Variants in TRIM36 observed in about 807,000 individuals in gnomAD.
The protein encoded by TRIM36 is tripartite motif containing 36.
TRIM36 carries 42 observed loss-of-function variants against 72.4 expected under a neutral mutation model. The ratio of observed to expected loss-of-function variants is 0.58; its 90% confidence interval spans 0.45 to 0.75. The LOEUF is 0.75. TRIM36 is among the 30% of genes least tolerant of loss of function. TRIM36 has a pLI of 0.00. For missense variants in TRIM36, 913 were observed against 857.1 expected (o/e 1.07, Z -0.81); for synonymous variants, 315 against 282.8 (o/e 1.11, Z -1.14).
intron 2 of TRIM36, among the ~76,000 whole-genome samples, chr5:115,152,448 TG>T (rs1240641387): frequency 2.6e-5 from 4 of 152,184 alleles, no homozygotes; most frequent in Non-Finnish European, 5.9e-5. Flanking sequence ...AAAACATATT[TG>T]GGGGAATAAT....
At chr5:115,158,298 A>G (rs944673735) in intron 2 of TRIM36, among the ~76,000 whole-genome samples, 1 of 152,190 alleles carries the variant, frequency 6.6e-6, no homozygotes, top group African/African-American at 2.4e-5. Context: ...TTTCCTTTGA[A>G]GGTAGATTAA....
chr5:115,150,489 A>C (rs1753831100), intron 2 of TRIM36, among the ~76,000 whole-genome samples: 2 of 152,208 alleles, frequency 1.3e-5, no homozygotes, highest in Admixed American at 6.5e-5. Context: ...CAATTGCATT[A>C]GACAATGAAA....
chr5:115,134,614 C>T (rs1752867542), intron 7 of TRIM36, among the ~76,000 whole-genome samples: 2 of 151,960 alleles, frequency 1.3e-5, no homozygotes, highest in Non-Finnish European at 1.5e-5. Context: ...GATCTCAGCT[C>T]ACTCCAACCT....
At chr5:115,140,307 A>G (rs999344571) in intron 5 of TRIM36, among the ~76,000 whole-genome samples, 3 of 152,240 alleles carry the variant, frequency 2.0e-5, no homozygotes, top group Non-Finnish European at 2.9e-5. Flanking sequence ...AATGGAGAAG[A>G]AAAACAAGTG....
chr5:115,169,998 A>G (rs2126947877), upstream of TRIM36: 1 of 1,101,254 alleles, frequency 9.1e-7, no homozygotes, highest in Non-Finnish European at 1.1e-6. Context: ...CAACAGCGCC[A>G]GTCGCACAAA....
intron 2 of TRIM36, among the ~76,000 whole-genome samples, chr5:115,154,905 C>T (rs554461757): frequency 5.9e-5 from 9 of 152,052 alleles, no homozygotes; most frequent in African/African-American, 7.2e-5. Flanking sequence ...CCAGGCTGGG[C>T]GTGGTGGCTC....
chr5:115,126,762 A>G lies in TRIM36; in HGVS notation c.1892T>C (p.Phe631Ser), dbSNP rs375330229. Residue 631 changes from phenylalanine to serine, a missense_variant, in exon 10 of 10, where the codon TTT becomes TCT. By Grantham distance (155) the Phe-to-Ser change is radical (BLOSUM62 -2). Coordinates refer to ENST00000513154, the MANE Select transcript of TRIM36 (RefSeq NM_001300759.2). ...AGAAGTAGGTGACTTGGGTATAAAA[A>G]ATTTCTGCATGCCTATAGTAACTAA... ...FTLVTIGMQK[F>S]FIPKSPTSSN... 2 of 1,614,010 alleles carry G rather than the reference A, an allele frequency of 1.2e-6. No homozygotes were observed. Among genetic ancestry groups the G allele is most frequent in the African/African-American group, 1.3e-5 (1 of 74,926 alleles).
upstream of TRIM36, chr5:115,170,035 G>A (rs1755024000): frequency 2.0e-6 from 2 of 990,488 alleles, no homozygotes; most frequent in South Asian, 4.5e-5. Flanking sequence ...GGGGCTGGTA[G>A]GCCGGGTGTC....
chr5:115,167,977 G>A (rs1179809499), intron 1 of TRIM36, among the ~76,000 whole-genome samples: 1 of 152,170 alleles, frequency 6.6e-6, no homozygotes, highest in African/African-American at 2.4e-5. Context: ...CGTTTTACAT[G>A]GCAGCAGGCG....
At chr5:115,163,149 G>A (rs1754574658) in intron 2 of TRIM36, among the ~76,000 whole-genome samples, 1 of 152,136 alleles carries the variant, frequency 6.6e-6, no homozygotes, top group East Asian at 1.9e-4. Flanking sequence ...TAGAGATGGA[G>A]TTTCTCCATG....
At chr5:115,173,306 C>T (rs1391158354), upstream of TRIM36, among the ~76,000 whole-genome samples, 1 of 152,204 alleles carries the variant, frequency 6.6e-6, no homozygotes, top group Non-Finnish European at 1.5e-5. Context: ...CTCATCCTCA[C>T]AGCTGATTCC....
chr5:115,137,209 C>A, intron 6 of TRIM36, 85 bp from the exon 7 acceptor site: 1 of 1,479,766 alleles, frequency 6.8e-7, no homozygotes, highest in Admixed American at 2.5e-5. Context: ...CAAAATAAAA[C>A]CCACACTTCA....
rs747610769 is a variant in TRIM36, at chr5:115,147,330, A to G, written c.327T>C (p.Asp109=). 16 of 1,614,180 alleles carry G rather than the reference A, an allele frequency of 9.9e-6. No individual in the cohort carries two copies. In the South Asian group the frequency reaches 1.5e-4, roughly 16 times the overall value. The change falls in exon 3 of 10, where the codon GAT becomes GAC. Residue 109 remains aspartate, a synonymous_variant. Transcript: ENST00000513154. ...TGATTCCTCGTTCTCCAAGATCCAC[A>G]TCATGCTCACAGCCAGGGCAAGGGA... is the stretch of plus-strand genomic sequence containing the variant. ...TVFPCPGCEH[D]VDLGERGING... is the part of the protein sequence containing the mutation.
chr5:115,156,240 T>C (rs1243367792), intron 2 of TRIM36, among the ~76,000 whole-genome samples: 1 of 151,858 alleles, frequency 6.6e-6, no homozygotes, highest in Middle Eastern at 3.2e-3. Context: ...CATACTGCCA[T>C]GAGCAATCTA....
chr5:115,143,791 T>A (rs970403497), intron 4 of TRIM36, among the ~76,000 whole-genome samples: 1 of 152,240 alleles, frequency 6.6e-6, no homozygotes, highest in Non-Finnish European at 1.5e-5. Flanking sequence ...AGTAGTGTAC[T>A]GCTGCCTTTG....
At chr5:115,167,086 G>A (rs1754820146) in intron 1 of TRIM36, among the ~76,000 whole-genome samples, 1 of 152,218 alleles carries the variant, frequency 6.6e-6, no homozygotes, top group Non-Finnish European at 1.5e-5. Flanking sequence ...AAGCCCAGTG[G>A]GCCTGAGCAA....
intron 2 of TRIM36, among the ~76,000 whole-genome samples, chr5:115,161,455 G>A (rs1379891700): frequency 2.6e-5 from 4 of 152,178 alleles, no homozygotes; most frequent in African/African-American, 9.7e-5. Context: ...AAAGTCTTCA[G>A]ATACTGATGG....
chr5:115,171,333 A>C, upstream of TRIM36: 1 of 1,470,828 alleles, frequency 6.8e-7, no homozygotes, highest in Non-Finnish European at 9.3e-7. Flanking sequence ...TTTGCCAGGT[A>C]ATAATGCCTG....
At chr5:115,129,338 G>A (rs1752527983) in intron 9 of TRIM36, among the ~76,000 whole-genome samples, 1 of 152,166 alleles carries the variant, frequency 6.6e-6, no homozygotes, top group Non-Finnish European at 1.5e-5. Flanking sequence ...TGAGGCAGGT[G>A]GATCACCTGA....
Sources: allele counts gnomAD v4.1 joint callset (sites outside exome capture counted in the v4.1 genomes callset), GRCh38; gene constraint gnomAD v4.1.1; transcripts MANE v1.5; gene names NCBI Gene and HGNC (gene_info 2026-07-23, HGNC 2026-07-21).